The following ARHGAP42 variants were observed in gnomAD, a reference collection of about 807,000 sequenced individuals.
The protein encoded by ARHGAP42 is rho GTPase-activating protein 42.
In ARHGAP42, 63 loss-of-function variants were observed where a neutral mutation model predicts 125.0. The ratio of observed to expected loss-of-function variants is 0.50; its 90% CI spans 0.41 to 0.62. ARHGAP42 has a LOEUF of 0.62. Among genes scored for constraint, ARHGAP42 ranks in the 20% least tolerant of loss-of-function variants. The pLI, the probability that ARHGAP42 is intolerant of heterozygous loss-of-function variation, is 0.00. For synonymous variants in ARHGAP42, 339 were observed against 351.0 expected (o/e 0.97, Z 0.38); for missense variants, 766 against 1,024.2 (o/e 0.75, Z 3.44).
chr11:100,856,321 A>G (rs966981239), intron 3 of ARHGAP42, among the ~76,000 whole-genome samples: 2 of 152,082 alleles, frequency 1.3e-5, no homozygotes, highest in Non-Finnish European at 2.9e-5. Flanking sequence ...AACTCTTTTA[A>G]TCCTACCAAA....
At chr11:100,722,932 G>A (rs922508805) in intron 1 of ARHGAP42, among the ~76,000 whole-genome samples, 9 of 152,122 alleles carry the variant, frequency 5.9e-5, no homozygotes, top group African/African-American at 2.2e-4. Flanking sequence ...TTATGGTTTT[G>A]TGTTTACATT....
At chr11:100,694,361 A>T (rs989667802) in intron 1 of ARHGAP42, among the ~76,000 whole-genome samples, 2 of 152,200 alleles carry the variant, frequency 1.3e-5, no homozygotes, top group African/African-American at 4.8e-5. Flanking sequence ...GCATTAAGTA[A>T]ATGATATGCA....
At chr11:100,803,444 T>C (rs973884349) in intron 3 of ARHGAP42, among the ~76,000 whole-genome samples, 22 of 152,198 alleles carry the variant, frequency 1.4e-4, no homozygotes, top group African/African-American at 4.8e-4. Flanking sequence ...AGCTCTGAGG[T>C]TCATCGAGTC....
chr11:100,823,947 G>A (rs1864455620), intron 3 of ARHGAP42, among the ~76,000 whole-genome samples: 1 of 152,074 alleles, frequency 6.6e-6, no homozygotes, highest in Admixed American at 6.6e-5. Context: ...AAAAGAATGT[G>A]CTATTCTGAC....
intron 3 of ARHGAP42, among the ~76,000 whole-genome samples, chr11:100,854,107 C>G (rs1386146434): frequency 6.6e-6 from 1 of 151,940 alleles, no homozygotes; most frequent in African/African-American, 2.4e-5. Flanking sequence ...TTGAGTAACT[C>G]GATCAAGATT....
chr11:100,808,947 A>T (rs1185973163), intron 3 of ARHGAP42, among the ~76,000 whole-genome samples: 1 of 152,164 alleles, frequency 6.6e-6, no homozygotes, highest in Non-Finnish European at 1.5e-5. Context: ...TCATCCTGTG[A>T]TTTATCTGTG....
At chr11:100,817,022 C>T (rs1244822150) in intron 3 of ARHGAP42, among the ~76,000 whole-genome samples, 3 of 152,160 alleles carry the variant, frequency 2.0e-5, no homozygotes, top group East Asian at 3.8e-4. Flanking sequence ...TCTCAGGAAG[C>T]CTGTCTCACC....
At chr11:100,858,327 A>T (rs1865372433) in intron 3 of ARHGAP42, among the ~76,000 whole-genome samples, 1 of 152,078 alleles carries the variant, frequency 6.6e-6, no homozygotes, top group Admixed American at 6.6e-5. Flanking sequence ...GTCTGAGACA[A>T]GATTTTTTGA....
chr11:100,809,919 T>C (rs1470199196), intron 3 of ARHGAP42, among the ~76,000 whole-genome samples: 1 of 150,234 alleles, frequency 6.7e-6, no homozygotes, highest in Non-Finnish European at 1.5e-5. Context: ...CGAGCCTGGG[T>C]GACAGAGCAA....
At position 100,943,761 on chromosome 11, in the gene ARHGAP42, T is replaced by C. The variant is rs1242109558; in HGVS notation, c.936T>C (p.Asn312=). Residue 312 remains asparagine (N), a splice_region_variant and synonymous_variant, in exon 10 of 24, where the codon AAT becomes AAC. Transcript: ENST00000298815. ...VSEMKSSGKM[N]GLVTSSPEMF... is the part of the protein sequence containing the mutation. The stretch of plus-strand genomic sequence containing the variant: ...CTGTGGTACTCTTCTTGTTTCAGAA[T>C]GGCCTTGTTACTAGCTCACCGGAAA... The C allele has an allele frequency of 1.3e-6, 2 of 1,543,666 alleles. No homozygotes were observed. Among genetic ancestry groups the C allele is most frequent in the African/African-American group, 1.4e-5 (1 of 72,754 alleles).
chr11:100,962,164 T>G lies in ARHGAP42; in HGVS notation c.1386-245T>G, dbSNP rs569644680. Among the ~76,000 whole-genome samples, 354 of 152,274 alleles carry G rather than the reference T, an allele frequency of 2.3e-3. 3 individuals are homozygous for G. The highest frequency in any genetic ancestry group is 8.0e-3 in the African/African-American group (332 of 41,552). Reference sequence around the variant, plus strand: ...ATTGGGAGACTCCCAGTCTCCCCTCTTAATACAGTCATGGAAAGAAGTACA... The same window carrying G: ...ATTGGGAGACTCCCAGTCTCCCCTCGTAATACAGTCATGGAAAGAAGTACA... On this transcript the variant is annotated intron_variant, in intron 15 of 23. Coordinates refer to ENST00000298815, the MANE Select transcript of ARHGAP42 (RefSeq NM_152432.4).
At chr11:100,901,345 C>T (rs1327977493) in intron 4 of ARHGAP42, among the ~76,000 whole-genome samples, 1 of 152,186 alleles carries the variant, frequency 6.6e-6, no homozygotes, top group Non-Finnish European at 1.5e-5. Flanking sequence ...GAAGGTGTCT[C>T]CCAATTAGGC....
In ARHGAP42 at chr11:100,895,275, C is replaced by T. The variant is rs955136716; in HGVS notation, c.385-18177C>T. ...AGTCCTTTTTGTGTGGGAAGTAAAA[C>T]GTGTTAGCTCACAGCTTAGTCTAAG... On this transcript the variant is annotated intron_variant, in intron 4 of 23. Coordinates refer to ENST00000298815, the MANE Select transcript of ARHGAP42 (RefSeq NM_152432.4). 2.6e-5 allele frequency among the ~76,000 whole-genome samples: 4 copies of T among 152,174 alleles called. No individual in the cohort carries two copies. The East Asian group carries it at 5.8e-4, about 22-fold the overall frequency.
Position 100,992,473 on chromosome 11 carries a change from AC to A in ARHGAP42, c.*3674del. On this transcript the variant is annotated 3_prime_UTR_variant, in exon 24 of 24. Coordinates refer to ENST00000298815, the MANE Select transcript of ARHGAP42 (RefSeq NM_152432.4). The stretch of plus-strand genomic sequence containing the variant: ...ACTTTGCCTCCTACCCTTTTTTGTT[AC>A]CTTCCAAAATCAAGACACTTTTAAG... The A allele has an allele frequency of 6.2e-7, 1 of 1,613,904 alleles. No homozygotes were observed.
chr11:100,748,402 G>A (rs761579240), intron 1 of ARHGAP42, among the ~76,000 whole-genome samples: 15 of 152,144 alleles, frequency 9.9e-5, no homozygotes, highest in Non-Finnish European at 1.3e-4. Flanking sequence ...GGAGTTCCTC[G>A]TAGGTCTGGT....
intron 18 of ARHGAP42, among the ~76,000 whole-genome samples, chr11:100,973,901 G>C (rs193208758): frequency 6.6e-6 from 1 of 152,154 alleles, no homozygotes; most frequent in East Asian, 1.9e-4. Flanking sequence ...GAATGATTAA[G>C]GCCTTCTCCT....
intron 3 of ARHGAP42, among the ~76,000 whole-genome samples, chr11:100,851,269 T>A (rs1233247831): frequency 6.6e-6 from 1 of 152,220 alleles, no homozygotes; most frequent in Non-Finnish European, 1.5e-5. Flanking sequence ...AAATGTTAGC[T>A]ATAAACATTA....
intron 4 of ARHGAP42, among the ~76,000 whole-genome samples, chr11:100,899,722 GTTTTTTT>G (rs767815247): frequency 1.5e-5 from 1 of 67,194 alleles, no homozygotes. Flanking sequence ...TTTGTGTTTT[GTTTTTTT>G]TTTTGTTTTT....
chr11:100,937,874 G>C (rs773225062), intron 8 of ARHGAP42, among the ~76,000 whole-genome samples: 2 of 152,106 alleles, frequency 1.3e-5, no homozygotes, highest in Non-Finnish European at 1.5e-5. Context: ...TCAAGCTGTT[G>C]GACATTTGGG....
Sources: allele counts gnomAD v4.1 joint callset (sites outside exome capture counted in the v4.1 genomes callset), GRCh38; gene constraint gnomAD v4.1.1; transcripts MANE v1.5; gene names NCBI Gene and HGNC (gene_info 2026-07-23, HGNC 2026-07-21).